The following PTPRS variants were observed in gnomAD, a reference collection of about 807,000 sequenced individuals.
PTPRS encodes receptor-type tyrosine-protein phosphatase S.
In PTPRS, 63 loss-of-function variants were observed where a neutral mutation model predicts 215.3. That is an observed-to-expected ratio of 0.29 (90% CI 0.24 to 0.36). The LOEUF (loss-of-function observed/expected upper bound fraction) is 0.36. Among genes scored for constraint, PTPRS ranks in the 10% least tolerant of loss-of-function variants. The pLI, the probability that PTPRS is intolerant of heterozygous loss-of-function variation, is 1.00. For missense variants in PTPRS, 2,258 were observed against 2,825.8 expected, an observed-to-expected ratio of 0.80 and a Z score of 4.56; for synonymous variants, 1,404 against 1,191.4, an observed-to-expected ratio of 1.18 and a Z score of -3.68.
chr19:5,233,155 G>A (rs1239106446), intron 13 of PTPRS, among the ~76,000 whole-genome samples: 1 of 142,882 alleles, frequency 7.0e-6, no homozygotes, highest in Non-Finnish European at 1.5e-5. Context: ...TTGTGCTAAG[G>A]CTTCATAGAA....
intron 22 of PTPRS, 69 bp from the exon 23 acceptor site, chr19:5,219,536 A>C: frequency 2.0e-6 from 3 of 1,483,976 alleles, no homozygotes; most frequent in Non-Finnish European, 2.7e-6. Context: ...GGTCTTTCTC[A>C]AACATGAACC....
chr19:5,207,867 T>C, intron 37 of PTPRS, 55 bp downstream of exon 37: 1 of 1,595,566 alleles, frequency 6.3e-7, no homozygotes, highest in East Asian at 2.2e-5. Context: ...AACTGGAGCT[T>C]AGGGGCAGTC....
intron 4 of PTPRS, among the ~76,000 whole-genome samples, 200 bp from the exon 5 acceptor site, chr19:5,265,396 C>T (rs1344131449): frequency 1.3e-5 from 2 of 152,140 alleles, no homozygotes; most frequent in Non-Finnish European, 2.9e-5. Flanking sequence ...GGCTGGAGTA[C>T]AGTGGCTCGA....
chr19:5,214,496 G>A lies in PTPRS; in HGVS notation c.4495-16C>T. The A allele has an allele frequency of 1.2e-6, 2 of 1,614,008 alleles. No individual in the cohort carries two copies. Among genetic ancestry groups the A allele is most frequent in the Non-Finnish European group, 1.7e-6 (2 of 1,179,944 alleles). On this transcript the variant is annotated splice_polypyrimidine_tract_variant and intron_variant, in intron 29 of 37. Coordinates refer to ENST00000262963, the MANE Select transcript of PTPRS (RefSeq NM_002850.4). ...CACACTTGATCTGTATCGGGCAAGA[G>A]AACAGGTGTCAGCAGGGACAGGCTG...
chr19:5,249,982 C>G (rs2044850622), intron 9 of PTPRS, among the ~76,000 whole-genome samples: 1 of 152,160 alleles, frequency 6.6e-6, no homozygotes, highest in Admixed American at 6.5e-5. Flanking sequence ...GAAGTAGAGA[C>G]AAGGGGATAC....
At chr19:5,227,455 C>T (rs2145557794) in intron 16 of PTPRS, among the ~76,000 whole-genome samples, 1 of 151,236 alleles carries the variant, frequency 6.6e-6, no homozygotes, top group South Asian at 2.1e-4. Context: ...GCTCTTGTTG[C>T]CCAGGCTGGA....
At chr19:5,298,363 G>C (rs747328783) in intron 1 of PTPRS, among the ~76,000 whole-genome samples, 1 of 152,180 alleles carries the variant, frequency 6.6e-6, no homozygotes, top group African/African-American at 2.4e-5. Flanking sequence ...GGAACCCTCA[G>C]ATAAAACCAT....
At chr19:5,249,721 GAAT>G (rs1189632221) in intron 9 of PTPRS, among the ~76,000 whole-genome samples, 4 of 152,204 alleles carry the variant, frequency 2.6e-5, no homozygotes, top group African/African-American at 9.6e-5. Context: ...GCCACTGGTT[GAAT>G]AATATCCAGT....
At chr19:5,262,646 G>A (rs1283853326) in intron 6 of PTPRS, among the ~76,000 whole-genome samples, 8 of 152,206 alleles carry the variant, frequency 5.3e-5, no homozygotes, top group African/African-American at 1.4e-4. Context: ...CCATGAGCCC[G>A]AGGATGCCTC....
Position 5,222,958 on chromosome 19 carries a change from G to C in PTPRS, c.2834C>G (p.Thr945Ser), listed in dbSNP as rs1385418553. ...GGGTGGCAGCCAGCGGAGAAGGACG[G>C]TCCCGGCCGAGGCGTTGCCGGCCGC... is the stretch of plus-strand genomic sequence containing the variant. ...LEAAGNASAG[T>S]VLLRWLPPVP... The change falls in exon 18 of 38, where the codon ACC becomes AGC. Residue 945 changes from threonine (T) to serine (S), a missense_variant. By Grantham distance (58) the Thr-to-Ser change is moderately conservative (BLOSUM62 1). This residue lies in a region of PTPRS where 361 missense variants were observed against 332.6 expected (regional missense o/e 1.09). Coordinates refer to ENST00000262963, the MANE Select transcript of PTPRS (RefSeq NM_002850.4). The C allele has an allele frequency of 6.5e-7, 1 of 1,546,864 alleles. No homozygotes were observed. Among genetic ancestry groups the C allele is most frequent in the Non-Finnish European group, 8.7e-7 (1 of 1,152,284 alleles).
In PTPRS at chr19:5,273,403, G is replaced by A. The variant is rs190817201; in HGVS notation, c.379+39C>T. 25 of 1,613,522 alleles carry A rather than the reference G, an allele frequency of 1.5e-5. No individual in the cohort carries two copies. In the Admixed American group the frequency reaches 2.8e-4, roughly 18 times the overall value. On this transcript the variant is annotated intron_variant, in intron 4 of 37. Coordinates refer to ENST00000262963, the MANE Select transcript of PTPRS (RefSeq NM_002850.4). ...TTTGTGCTTGTCCCCAAAGCCCAGG[G>A]CCCAGTTTATCCTCCGCCCGCCCTG...
At chr19:5,317,997 C>T (rs1325840218) in intron 1 of PTPRS, among the ~76,000 whole-genome samples, 1 of 152,146 alleles carries the variant, frequency 6.6e-6, no homozygotes, top group South Asian at 2.1e-4. Flanking sequence ...CGGTGAAACC[C>T]CGTCTCTACT....
At chr19:5,324,832 C>T (rs1315601578) in intron 1 of PTPRS, among the ~76,000 whole-genome samples, 1 of 152,190 alleles carries the variant, frequency 6.6e-6, no homozygotes, top group African/African-American at 2.4e-5. Context: ...CTTGGTCGTT[C>T]ACCATCATCC....
chr19:5,303,534 G>A (rs1005843406), intron 1 of PTPRS, among the ~76,000 whole-genome samples: 1 of 152,132 alleles, frequency 6.6e-6, no homozygotes, highest in Non-Finnish European at 1.5e-5. Flanking sequence ...GACACAGCAC[G>A]TGTAAAGGCC....
intron 2 of PTPRS, among the ~76,000 whole-genome samples, chr19:5,282,231 A>G (rs1040852673): frequency 6.6e-6 from 1 of 152,006 alleles, no homozygotes; most frequent in Non-Finnish European, 1.5e-5. Context: ...ATCACTGCAG[A>G]GCAGATACCC....
chr19:5,334,428 A>G (rs959797636), intron 1 of PTPRS, among the ~76,000 whole-genome samples: 2 of 152,170 alleles, frequency 1.3e-5, no homozygotes, highest in Non-Finnish European at 2.9e-5. Flanking sequence ...CCTCCTAACA[A>G]TCCCTCAAGG....
At chr19:5,329,978 G>A (rs988938838) in intron 1 of PTPRS, among the ~76,000 whole-genome samples, 2 of 151,276 alleles carry the variant, frequency 1.3e-5, no homozygotes, top group African/African-American at 4.9e-5. Flanking sequence ...TACCTGGAAG[G>A]CTGAGGCAGA....
chr19:5,223,479 C>T (rs1024107545), intron 17 of PTPRS, among the ~76,000 whole-genome samples, 182 bp from the exon 18 acceptor site: 1 of 151,868 alleles, frequency 6.6e-6, no homozygotes, highest in Admixed American at 6.6e-5. Flanking sequence ...CAGCCTCGAA[C>T]TCCTGGGCTC....
intron 1 of PTPRS, among the ~76,000 whole-genome samples, chr19:5,317,846 G>A (rs1440772492): frequency 2.0e-5 from 3 of 151,906 alleles, no homozygotes; most frequent in Non-Finnish European, 4.4e-5. Flanking sequence ...GACCACCCTG[G>A]CCAACATGGT....
Sources: allele counts gnomAD v4.1 joint callset (sites outside exome capture counted in the v4.1 genomes callset), GRCh38; gene constraint gnomAD v4.1.1; regional missense constraint gnomAD v4.1.1; transcripts MANE v1.5; gene names NCBI Gene and HGNC (gene_info 2026-07-23, HGNC 2026-07-21).